Variants in NLRP3 observed in about 807,000 individuals in gnomAD.
NLRP3 encodes the protein NLR family pyrin domain containing 3.
Under a neutral mutation model 91.3 loss-of-function variants are expected in NLRP3, and 48 were observed. The ratio of observed to expected loss-of-function variants is 0.53; its 90% CI spans 0.42 to 0.67. The LOEUF is 0.67. Ranked by LOEUF, NLRP3 falls within the 30% of genes least tolerant of loss-of-function variation. NLRP3 has a pLI of 0.00. For synonymous variants in NLRP3, 561 were observed against 507.9 expected (o/e 1.10, Z -1.41); for missense variants, 982 against 1,276.9 (o/e 0.77, Z 3.52).
At chr1:247,429,866 T>C (rs1306212437) in intron 5 of NLRP3, 111 bp downstream of exon 5, 2 of 1,360,902 alleles carry the variant, frequency 1.5e-6, no homozygotes, top group African/African-American at 2.9e-5. Context: ...GGTTTCTTTC[T>C]TTTCTTTTTC....
At chr1:247,435,185 G>T (rs780737022) in intron 6 of NLRP3, among the ~76,000 whole-genome samples, 1 of 152,098 alleles carries the variant, frequency 6.6e-6, no homozygotes, top group Non-Finnish European at 1.5e-5. Context: ...GGGAGGCGGG[G>T]GTTGCAGTGA....
chr1:247,424,865 A>G lies in NLRP3; in HGVS notation c.1416A>G (p.Ala472=). The part of the protein sequence containing the change: ...AHLWGLCSLA[A]DGIWNQKILF... ...TCTGGGGGCTCTGCTCTTTGGCTGC[A>G]GATGGAATCTGGAACCAGAAAATCC... The change falls in exon 4 of 10, where the codon GCA becomes GCG. Residue 472 remains alanine (A), a synonymous_variant. Coordinates refer to ENST00000336119, the MANE Select transcript of NLRP3 (RefSeq NM_001243133.2). This position sits in a 1 kb window ranked among gnomAD's most constrained non-coding sequence, Gnocchi z 8.1. 6.2e-7 allele frequency: 1 copy of G among 1,608,792 alleles called. No individual in the cohort carries two copies. The highest frequency in any genetic ancestry group is 1.1e-5 in the South Asian group (1 of 91,080).
chr1:247,425,087 G>C lies in NLRP3; in HGVS notation c.1638G>C (p.Gly546=), dbSNP rs941839992. ...EEKEGRTNVP[G]SRLKLPSRDV... is the part of the protein sequence containing the mutation. ...AGGAAGGAAGGACGAACGTTCCAGG[G>C]AGTCGTTTGAAGCTTCCCAGCCGAG... Residue 546 remains glycine (G), a synonymous_variant, in exon 4 of 10, where the codon GGG becomes GGC. Transcript: ENST00000336119. The surrounding 1 kb of genome is among the most constrained non-coding windows in gnomAD (Gnocchi z 4.1). The C allele has an allele frequency of 6.2e-7, 1 of 1,614,196 alleles. No homozygotes were observed. Among genetic ancestry groups the C allele is most frequent in the Non-Finnish European group, 8.5e-7 (1 of 1,180,038 alleles).
intron 9 of NLRP3, 74 bp from the exon 10 acceptor site, chr1:247,448,331 G>T: frequency 5.9e-6 from 4 of 679,014 alleles, no homozygotes; most frequent in Non-Finnish European, 1.1e-5. Context: ...ATGAAGAGAT[G>T]AGACTTTTAA....
intron 2 of NLRP3, among the ~76,000 whole-genome samples, chr1:247,419,660 G>A (rs1341332859): frequency 2.6e-5 from 4 of 152,060 alleles, no homozygotes; most frequent in African/African-American, 9.7e-5. Flanking sequence ...TCATATAAGT[G>A]GAAACATACA....
In NLRP3 at chr1:247,448,495, T is replaced by C; in HGVS notation, c.3096T>C (p.Pro1032=). 2 of 1,610,370 alleles carry C rather than the reference T, an allele frequency of 1.2e-6. No individual in the cohort carries two copies. Among genetic ancestry groups the C allele is most frequent in the East Asian group, 4.5e-5 (2 of 44,866 alleles). ...EKPELTVVFE[P]SW ...CTGAGCTGACCGTCGTCTTTGAGCC[T>C]TCTTGGTAGGAGTGGAAACGGGGCT... Residue 1032 remains proline (P), a synonymous_variant, in exon 10 of 10, where the codon CCT becomes CCC. Transcript: ENST00000336119.
chr1:247,426,897 G>A (rs190943690), intron 4 of NLRP3, among the ~76,000 whole-genome samples: 119 of 152,310 alleles, frequency 7.8e-4, no homozygotes, highest in African/African-American at 2.7e-3. Flanking sequence ...GGGGCTTACG[G>A]TGTTGAGAGA....
At position 247,434,126 on chromosome 1, in the gene NLRP3, A is replaced by T. The variant is rs773714628; in HGVS notation, c.2345A>T (p.His782Leu). ...AGGTTGGGGCGCTGTGGCCTCTCGC[A>T]TGAGTGCTGCTTCGACATCTCCTTG... ...RLWLGRCGLS[H>L]ECCFDISLVL... The change falls in exon 6 of 10, where the codon CAT becomes CTT. Residue 782 changes from histidine (H) to leucine (L), a missense_variant. Transcript: ENST00000336119. The T allele has an allele frequency of 6.4e-7, 1 of 1,555,028 alleles. No individual in the cohort carries two copies. Among genetic ancestry groups the T allele is most frequent in the South Asian group, 1.1e-5 (1 of 87,974 alleles).
At chr1:247,439,848 T>A (rs755277243) in intron 7 of NLRP3, among the ~76,000 whole-genome samples, 2 of 152,252 alleles carry the variant, frequency 1.3e-5, no homozygotes, top group Non-Finnish European at 2.9e-5. Context: ...AATCAAATCA[T>A]GCATTTTGGG....
intron 2 of NLRP3, among the ~76,000 whole-genome samples, chr1:247,419,666 A>T (rs1043749311): frequency 6.6e-6 from 1 of 152,186 alleles, no homozygotes; most frequent in East Asian, 1.9e-4. Flanking sequence ...AAGTGGAAAC[A>T]TACAGCATTT....
rs761053878 is a variant in NLRP3, at chr1:247,433,474, T to C, written c.2322-629T>C. On this transcript the variant is annotated intron_variant, in intron 5 of 9. Coordinates refer to ENST00000336119, the MANE Select transcript of NLRP3 (RefSeq NM_001243133.2). Reference sequence around the variant, plus strand: ...CACCATTCACATGTCTGGGGGGTGATCTCAATGCACCCGGCACTGTTTACG... The same window carrying C: ...CACCATTCACATGTCTGGGGGGTGACCTCAATGCACCCGGCACTGTTTACG... Among the ~76,000 whole-genome samples, 9 of 152,136 alleles carry C rather than the reference T, an allele frequency of 5.9e-5. 1 individual carries two copies. The highest frequency in any genetic ancestry group is 1.3e-4 in the Admixed American group (2 of 15,280).
chr1:247,441,201 C>CG (rs1553292352), intron 7 of NLRP3, among the ~76,000 whole-genome samples: 1 of 128,456 alleles, frequency 7.8e-6, no homozygotes, highest in Non-Finnish European at 1.6e-5. Context: ...CCTCCCCCCC[C>CG]CCTTTCCCTT....
chr1:247,436,183 C>G (rs777746575), intron 7 of NLRP3, 43 bp downstream of exon 7: 1 of 1,599,014 alleles, frequency 6.3e-7, no homozygotes, highest in Non-Finnish European at 8.6e-7. Context: ...AACTTCTTTT[C>G]AGAGGTGAAT....
In NLRP3 at chr1:247,424,759, C is replaced by G. The variant is rs1216049752; in HGVS notation, c.1310C>G (p.Thr437Ser). ...GKSLAQTSKT[T>S]TAVYVFFLSS... is the part of the protein sequence containing the mutation. The stretch of plus-strand genomic sequence containing the variant: ...AGCCTTGCCCAGACATCCAAGACCA[C>G]CACCGCGGTGTACGTCTTCTTCCTT... Residue 437 changes from threonine to serine, a missense_variant, in exon 4 of 10, where the codon ACC becomes AGC. Coordinates refer to ENST00000336119, the MANE Select transcript of NLRP3 (RefSeq NM_001243133.2). This position sits in a 1 kb window ranked among gnomAD's most constrained non-coding sequence, Gnocchi z 8.1. 1.2e-6 allele frequency: 2 copies of G among 1,612,970 alleles called. No individual in the cohort carries two copies. Among genetic ancestry groups the G allele is most frequent in the African/African-American group, 2.7e-5 (2 of 74,930 alleles).
At position 247,445,133 on chromosome 1, in the gene NLRP3, C is replaced by T. The variant is rs139408366; in HGVS notation, c.3005+312C>T. Among the ~76,000 whole-genome samples, 488 of 152,226 alleles carry T rather than the reference C, an allele frequency of 3.2e-3. 2 individuals are homozygous for T. Among genetic ancestry groups the T allele is most frequent in the Non-Finnish European group, 5.4e-3 (366 of 68,018 alleles). On this transcript the variant is annotated intron_variant, in intron 9 of 9. Transcript: ENST00000336119. ...ACAAGGAACCGAACTTCGTAGAACT[C>T]GTCTATGGGTCATCCAAATTGGAAG...
At position 247,424,350 on chromosome 1, in the gene NLRP3, G is replaced by T. The variant is rs201504984; in HGVS notation, c.901G>T (p.Gly301Cys). Residue 301 changes from glycine (G) to cysteine (C), a missense_variant, in exon 4 of 10, where the codon GGC becomes TGC. By Grantham distance (159) the Gly-to-Cys change is radical. Coordinates refer to ENST00000336119, the MANE Select transcript of NLRP3 (RefSeq NM_001243133.2). This position sits in a 1 kb window ranked among gnomAD's most constrained non-coding sequence, Gnocchi z 8.1. ...CTCCAGAATCCTCTTCCTCATGGAC[G>T]GCTTCGATGAGCTGCAAGGTGCCTT... ...KPSRILFLMD[G>C]FDELQGAFDE... The T allele has an allele frequency of 1.1e-5, 17 of 1,613,732 alleles. No homozygotes were observed. Among genetic ancestry groups the T allele is most frequent in the Non-Finnish European group, 1.4e-5 (16 of 1,179,980 alleles).
Position 247,444,790 on chromosome 1 carries a change from A to C in NLRP3, c.2974A>C (p.Lys992Gln). The change falls in exon 9 of 10, where the codon AAA (lysine) becomes CAA (glutamine). Residue 992 changes from lysine to glutamine, a missense_variant. This residue lies in a region of NLRP3 where 29 missense variants were observed against 55.3 expected (regional missense o/e 0.52). Coordinates refer to ENST00000336119, the MANE Select transcript of NLRP3 (RefSeq NM_001243133.2). ...LGVMMFCEVL[K>Q]QQSCLLQNLG... ...GGTCATGATGTTCTGTGAAGTGCTG[A>C]AACAGCAGAGCTGCCTCCTGCAGAA... The C allele has an allele frequency of 6.2e-7, 1 of 1,614,066 alleles. No individual in the cohort carries two copies. Among genetic ancestry groups the C allele is most frequent in the Non-Finnish European group, 8.5e-7 (1 of 1,180,020 alleles).
At chr1:247,427,818 TGAG>T (rs1168932495) in intron 4 of NLRP3, among the ~76,000 whole-genome samples, 20 of 50,780 alleles carry the variant, frequency 3.9e-4, no homozygotes, top group African/African-American at 1.4e-3. Context: ...TTCCTTCCTC[TGAG>T]GACAGACTCT....
In NLRP3 at chr1:247,418,761, G is replaced by A. The variant is rs73136263; in HGVS notation, c.-40G>A. 1 of 1,612,068 alleles carries A rather than the reference G, an allele frequency of 6.2e-7. No homozygotes were observed. Among genetic ancestry groups the A allele is most frequent in the Non-Finnish European group, 8.5e-7 (1 of 1,179,740 alleles). ...GTTCACTGCCTGGTATCTTAGTGTG[G>A]ACCGAAGCCTAAGGACCCTGAAAAC... On this transcript the variant is annotated 5_prime_UTR_variant, in exon 2 of 10. Coordinates refer to ENST00000336119, the MANE Select transcript of NLRP3 (RefSeq NM_001243133.2).
Sources: allele counts gnomAD v4.1 joint callset (sites outside exome capture counted in the v4.1 genomes callset), GRCh38; gene constraint gnomAD v4.1.1; regional missense constraint gnomAD v4.1.1; non-coding constraint Gnocchi (gnomAD v3.1); transcripts MANE v1.5; gene names NCBI Gene and HGNC (gene_info 2026-07-23, HGNC 2026-07-21).